Variants in MRTFB observed in about 807,000 individuals in gnomAD.
MRTFB encodes myocardin related transcription factor B.
A neutral mutation model predicts 104.2 loss-of-function variants in MRTFB; 29 were observed. The ratio of observed to expected loss-of-function variants is 0.28; its 90% CI spans 0.21 to 0.38. The LOEUF is 0.38. Ranked by LOEUF, MRTFB falls within the 10% of genes least tolerant of loss-of-function variation. The probability of loss-of-function intolerance (pLI) is 1.00; values close to 1 mark genes in which losing one functional copy is unlikely to be tolerated. For synonymous variants in MRTFB, 535 were observed against 519.5 expected, an observed-to-expected ratio of 1.03 and a Z score of -0.41; for missense variants, 1,270 against 1,341.6, an observed-to-expected ratio of 0.95 and a Z score of 0.83.
At chr16:14,075,541 C>A (rs973996634) in intron 1 of MRTFB, among the ~76,000 whole-genome samples, 1 of 152,226 alleles carries the variant, frequency 6.6e-6, no homozygotes. Flanking sequence ...CCTCCAGGGT[C>A]TCTCTCTGAT....
intron 2 of MRTFB, among the ~76,000 whole-genome samples, chr16:14,090,849 T>C (rs946520201): frequency 6.6e-6 from 1 of 151,674 alleles, no homozygotes; most frequent in Admixed American, 6.6e-5. Context: ...CCACTTTAAT[T>C]TTTTCAGGTT....
At chr16:14,078,314 G>T (rs2141836888) in intron 1 of MRTFB, among the ~76,000 whole-genome samples, 1 of 152,248 alleles carries the variant, frequency 6.6e-6, no homozygotes, top group South Asian at 2.1e-4. Context: ...TTTGTTAAAT[G>T]AATGAATAAT....
At chr16:14,233,816 A>G (rs1318500843) in intron 8 of MRTFB, among the ~76,000 whole-genome samples, 1 of 146,288 alleles carries the variant, frequency 6.8e-6, no homozygotes, top group Non-Finnish European at 1.5e-5. Context: ...AATGCCATGT[A>G]TTGTTTTGAT....
chr16:14,031,163 G>A, the MRTFB span, among the ~76,000 whole-genome samples: 1 of 152,170 alleles, frequency 6.6e-6, no homozygotes, highest in African/African-American at 2.4e-5. Flanking sequence ...TGGCCAAGGA[G>A]GGAGAATCAC....
At chr16:14,140,253 C>G (rs2037924123) in intron 2 of MRTFB, among the ~76,000 whole-genome samples, 1 of 152,188 alleles carries the variant, frequency 6.6e-6, no homozygotes, top group South Asian at 2.1e-4. Flanking sequence ...TTCATTTTAG[C>G]ATGCATTAAA....
At chr16:14,006,833 T>C in the MRTFB span, among the ~76,000 whole-genome samples, 1 of 151,866 alleles carries the variant, frequency 6.6e-6, no homozygotes, top group South Asian at 2.1e-4. Flanking sequence ...CTGGGCAACA[T>C]AGCAAGACCT....
At chr16:14,125,216 C>G (rs745962917) in intron 2 of MRTFB, among the ~76,000 whole-genome samples, 2 of 152,248 alleles carry the variant, frequency 1.3e-5, no homozygotes, top group Non-Finnish European at 2.9e-5. Flanking sequence ...ACTGTTGTCT[C>G]TCTCAGAGAG....
chr16:14,235,148 A>C (rs535579847), intron 9 of MRTFB, among the ~76,000 whole-genome samples: 28 of 152,154 alleles, frequency 1.8e-4, no homozygotes, highest in Non-Finnish European at 3.4e-4. Context: ...TTCTGAGGCA[A>C]GGGAGCATCT....
chr16:14,213,793 A>G (rs1441237814), intron 6 of MRTFB, among the ~76,000 whole-genome samples, 173 bp downstream of exon 6: 1 of 152,196 alleles, frequency 6.6e-6, no homozygotes. Context: ...TACACAGGGA[A>G]GGTTTGATTC....
intron 2 of MRTFB, among the ~76,000 whole-genome samples, chr16:14,114,166 T>C (rs966746644): frequency 5.3e-5 from 8 of 152,246 alleles, no homozygotes; most frequent in African/African-American, 1.9e-4. Context: ...GTCTTCCCAA[T>C]TGACATCTGA....
At chr16:14,048,379 C>T in the MRTFB span, among the ~76,000 whole-genome samples, 1 of 152,172 alleles carries the variant, frequency 6.6e-6, no homozygotes, top group African/African-American at 2.4e-5. Context: ...ACAGAGACCT[C>T]GTGACCCAGA....
chr16:14,184,817 G>A (rs549577378), intron 3 of MRTFB, among the ~76,000 whole-genome samples: 80 of 152,342 alleles, frequency 5.3e-4, no homozygotes, highest in South Asian at 2.1e-3. Context: ...GGCAGGGCAA[G>A]GCCATAGACA....
the MRTFB span, among the ~76,000 whole-genome samples, chr16:14,012,225 T>C: frequency 7.0e-6 from 1 of 141,858 alleles, no homozygotes; most frequent in Non-Finnish European, 1.5e-5. Context: ...TTTCTTTTTC[T>C]TTTTTTTCTT....
At chr16:14,046,459 T>C in the MRTFB span, among the ~76,000 whole-genome samples, 177 of 152,300 alleles carry the variant, frequency 1.2e-3, no homozygotes, top group African/African-American at 2.8e-3. Flanking sequence ...GTGGCTTTCA[T>C]TGGACACCAG....
the MRTFB span, among the ~76,000 whole-genome samples, chr16:14,023,884 C>G: frequency 6.6e-6 from 1 of 152,080 alleles, no homozygotes. Context: ...AACCCTGTCT[C>G]TACTAAAAAT....
chr16:14,192,431 G>A (rs2040227946), intron 3 of MRTFB, among the ~76,000 whole-genome samples: 2 of 152,024 alleles, frequency 1.3e-5, no homozygotes, highest in African/African-American at 4.8e-5. Flanking sequence ...GAATGAAAAA[G>A]TAAAAGATAT....
intron 8 of MRTFB, among the ~76,000 whole-genome samples, chr16:14,232,825 G>A (rs2042325266): frequency 6.6e-6 from 1 of 152,114 alleles, no homozygotes; most frequent in Non-Finnish European, 1.5e-5. Context: ...AGCCCTCCAA[G>A]TTTTCAGGTC....
chr16:14,074,488 C>G (rs2033916453), intron 1 of MRTFB, among the ~76,000 whole-genome samples: 2 of 152,062 alleles, frequency 1.3e-5, no homozygotes, highest in African/African-American at 4.8e-5. Context: ...AAAATGAATA[C>G]TATGCACATA....
At chr16:14,100,343 C>G (rs1177302508) in intron 2 of MRTFB, among the ~76,000 whole-genome samples, 2 of 152,140 alleles carry the variant, frequency 1.3e-5, no homozygotes, top group Non-Finnish European at 2.9e-5. Flanking sequence ...TATTTTTGAG[C>G]ATCTATTGAG....
Sources: allele counts gnomAD v4.1 joint callset (sites outside exome capture counted in the v4.1 genomes callset), GRCh38; gene constraint gnomAD v4.1.1; transcripts MANE v1.5; gene names NCBI Gene and HGNC (gene_info 2026-07-23, HGNC 2026-07-21).